PCDHGA9: variants seen among roughly 807,000 people sequenced by gnomAD.
PCDHGA9 encodes the protein protocadherin gamma subfamily A, 9, also known as protocadherin gamma-A9.
Under a neutral mutation model 62.5 loss-of-function variants are expected in PCDHGA9, and 37 were observed. That is an observed-to-expected ratio of 0.59 (90% CI 0.46 to 0.78). PCDHGA9 has a LOEUF of 0.78. Among genes scored for constraint, PCDHGA9 ranks in the 30% least tolerant of loss-of-function variants. The pLI, the probability that PCDHGA9 is intolerant of heterozygous loss-of-function variation, is 0.00. For missense variants in PCDHGA9, 1,138 were observed against 1,166.2 expected (o/e 0.98, Z 0.35); for synonymous variants, 459 against 484.6 (o/e 0.95, Z 0.69).
chr5:141,443,251 C>T (rs200319609), intron 1 of PCDHGA9, among the ~76,000 whole-genome samples: 7 of 150,782 alleles, frequency 4.6e-5, no homozygotes, highest in East Asian at 3.9e-4. Flanking sequence ...GGCGCCAAGG[C>T]GGGTGGATCA....
chr5:141,404,565 G>C lies in PCDHGA9; in HGVS notation c.1613G>C (p.Gly538Ala). The change falls in exon 1 of 4, where the codon GGA becomes GCA. Residue 538 changes from glycine to alanine, a missense_variant. Gly to Ala is a moderately conservative substitution (Grantham distance 60, BLOSUM62 0). Coordinates refer to ENST00000573521, the MANE Select transcript of PCDHGA9 (RefSeq NM_018921.3). The part of the protein sequence containing the change: ...LQMQVTASDS[G>A]SPPLSSNVSL... Reference sequence around the variant, plus strand: ...ATGCAGGTGACGGCAAGTGACAGTGGAAGCCCACCACTTAGCAGCAATGTG... The same window carrying C: ...ATGCAGGTGACGGCAAGTGACAGTGCAAGCCCACCACTTAGCAGCAATGTG... 2 of 1,613,910 alleles carry C rather than the reference G, an allele frequency of 1.2e-6. No individual in the cohort carries two copies.
chr5:141,428,267 T>C, intron 1 of PCDHGA9: 1 of 796,264 alleles, frequency 1.3e-6, no homozygotes, highest in Non-Finnish European at 2.1e-6. Context: ...GACAGTCCTG[T>C]GCCCTCTGAT....
chr5:141,475,080 C>T (rs963278755), intron 1 of PCDHGA9, among the ~76,000 whole-genome samples: 3 of 152,128 alleles, frequency 2.0e-5, no homozygotes, highest in South Asian at 4.1e-4. Flanking sequence ...GCCATTATTT[C>T]AATAATTTTA....
In PCDHGA9 at chr5:141,506,418, G is replaced by A. The variant is rs2099853241; in HGVS notation, c.2572+937G>A. Among the ~76,000 whole-genome samples, 3 of 141,160 alleles carry A rather than the reference G, an allele frequency of 2.1e-5. No homozygotes were observed. The South Asian group carries it at 6.6e-4, about 31-fold the overall frequency. 92.6% of individuals were successfully genotyped at this position (141,160 alleles called of 152,430 possible). The stretch of plus-strand genomic sequence containing the variant: ...CAGAAAATCGCACCACTGCACTCCA[G>A]CCTGGGCAACAGTCTCGCTCTGTCT... On this transcript the variant is annotated intron_variant, in intron 3 of 3. Coordinates refer to ENST00000573521, the MANE Select transcript of PCDHGA9 (RefSeq NM_018921.3).
chr5:141,499,689 CTTTTTTTTTTTT>C (rs545067566), intron 2 of PCDHGA9, among the ~76,000 whole-genome samples: 1 of 119,856 alleles, frequency 8.3e-6, no homozygotes, highest in Non-Finnish European at 1.7e-5. Flanking sequence ...TAACAGATGA[CTTTTTTTTTTTT>C]TTTTTTTTTT....
chr5:141,499,689 C>CTTTTTTTT (rs545067566), intron 2 of PCDHGA9, among the ~76,000 whole-genome samples: 2 of 119,854 alleles, frequency 1.7e-5, no homozygotes, highest in Non-Finnish European at 1.7e-5. Context: ...TAACAGATGA[C>CTTTTTTTT]TTTTTTTTTT....
chr5:141,419,701 C>T (rs1268060859), intron 1 of PCDHGA9: 7 of 1,612,860 alleles, frequency 4.3e-6, no homozygotes, highest in Non-Finnish European at 5.9e-6. Flanking sequence ...CCAGTGAGCC[C>T]GGGCTCTTCA....
intron 1 of PCDHGA9, among the ~76,000 whole-genome samples, chr5:141,405,886 CCAACACTGAAAGGAGG>C (rs1168478788): frequency 1.3e-5 from 2 of 152,086 alleles, no homozygotes; most frequent in African/African-American, 4.8e-5. Context: ...AATTGTTGCT[CCAACACTGAAAGGAGG>C]CATTTATTAG....
intron 2 of PCDHGA9, among the ~76,000 whole-genome samples, chr5:141,503,334 C>T (rs2099819255): frequency 6.6e-6 from 1 of 152,072 alleles, no homozygotes; most frequent in Admixed American, 6.6e-5. Context: ...CGGTGGCTCA[C>T]GCCTGTAATT....
rs775290219 is a variant in PCDHGA9 at position 141,423,576 on chromosome 5, G to A, written c.2424+18200G>A. On this transcript the variant is annotated intron_variant, in intron 1 of 3. Transcript: ENST00000573521. ...ACTATGGGGACACGCTCATCAGCCAGGAGAGCTGTGAGAAAAGCGAGCCAC... is the reference window on the plus strand; with the variant it reads ...ACTATGGGGACACGCTCATCAGCCAAGAGAGCTGTGAGAAAAGCGAGCCAC... The A allele has an allele frequency of 1.9e-6, 3 of 1,613,588 alleles. No homozygotes were observed. In the Admixed American group the frequency reaches 5.0e-5, roughly 27 times the overall value.
chr5:141,491,578 C>G lies in PCDHGA9; in HGVS notation c.2425-3229C>G, dbSNP rs1438933474. ...CCACTGCTACAGGACGTGCTTTTCA[C>G]CGGCCTCGGACGGCAGTGACTTCAC... On this transcript the variant is annotated intron_variant, in intron 1 of 3. Transcript: ENST00000573521. This position sits in a 1 kb window ranked among gnomAD's most constrained non-coding sequence, Gnocchi z 6.9. The G allele has an allele frequency of 1.9e-6, 3 of 1,614,006 alleles. No individual in the cohort carries two copies. Among genetic ancestry groups the G allele is most frequent in the Non-Finnish European group, 2.5e-6 (3 of 1,180,036 alleles).
rs1028690414 is a variant in PCDHGA9, at chr5:141,403,796, T to C, written c.844T>C (p.Trp282Arg). The change falls in exon 1 of 4, where the codon TGG (tryptophan) becomes CGG (arginine). Residue 282 changes from tryptophan to arginine, a missense_variant. Transcript: ENST00000573521. ...CAACGGAAAAGTGGCATACAAATTC[T>C]GGAAAATTAATGAAAAACAATCTCT... Reference protein sequence around the residue: ...GINGKVAYKFWKINEKQSLLF... With the variant: ...GINGKVAYKFRKINEKQSLLF... 3 of 1,613,866 alleles carry C rather than the reference T, an allele frequency of 1.9e-6. No individual in the cohort carries two copies. Among genetic ancestry groups the C allele is most frequent in the Non-Finnish European group, 1.7e-6 (2 of 1,179,892 alleles).
At chr5:141,480,698 C>T (rs1394538159) in intron 1 of PCDHGA9, among the ~76,000 whole-genome samples, 1 of 152,198 alleles carries the variant, frequency 6.6e-6, no homozygotes, top group Admixed American at 6.5e-5. Context: ...ACCCAGGCCA[C>T]ACCCCGACAA....
intron 1 of PCDHGA9, chr5:141,423,243 C>G (rs2096724455): frequency 6.2e-7 from 1 of 1,613,842 alleles, no homozygotes. Flanking sequence ...TCCCCGAAGT[C>G]CTGGCGGACC....
chr5:141,441,343 C>T (rs2098240806), intron 1 of PCDHGA9: 1 of 152,368 alleles, frequency 6.6e-6, no homozygotes, highest in African/African-American at 2.4e-5. Flanking sequence ...TAATTAACTA[C>T]ATGCTTGTAA....
intron 1 of PCDHGA9, chr5:141,417,834 G>A (rs1382990900): frequency 2.0e-6 from 3 of 1,530,144 alleles, no homozygotes; most frequent in Middle Eastern, 3.5e-4. Context: ...GGAAAAGCGG[G>A]GACCCAGCGA....
intron 1 of PCDHGA9, chr5:141,414,676 CA>C (rs779931467): frequency 5.6e-5 from 91 of 1,613,916 alleles, no homozygotes; most frequent in Middle Eastern, 1.6e-4. Context: ...AGACACCATC[CA>C]GGGGGTACCT....
At chr5:141,408,104 C>A (rs546603908) in intron 1 of PCDHGA9, 5 of 1,441,798 alleles carry the variant, frequency 3.5e-6, no homozygotes, top group Non-Finnish European at 2.7e-6. Flanking sequence ...CTCCGAGACC[C>A]GGGACTCCTC....
In PCDHGA9 at chr5:141,432,647, C is replaced by T; in HGVS notation, c.2424+27271C>T. On this transcript the variant is annotated intron_variant, in intron 1 of 3. Coordinates refer to ENST00000573521, the MANE Select transcript of PCDHGA9 (RefSeq NM_018921.3). This position sits in a 1 kb window ranked among gnomAD's most constrained non-coding sequence, Gnocchi z 6.0. ...GCACACGGGCGAGGTGCGCACGGCG[C>T]GAGCCCTGCTGGACAGAGACGCGCT... 3 of 1,613,796 alleles carry T rather than the reference C, an allele frequency of 1.9e-6. No homozygotes were observed. Among genetic ancestry groups the T allele is most frequent in the Admixed American group, 1.7e-5 (1 of 60,008 alleles).
Sources: allele counts gnomAD v4.1 joint callset (sites outside exome capture counted in the v4.1 genomes callset), GRCh38; gene constraint gnomAD v4.1.1; non-coding constraint Gnocchi (gnomAD v3.1); transcripts MANE v1.5; gene names NCBI Gene and HGNC (gene_info 2026-07-23, HGNC 2026-07-21).